Variants in EMID1 observed in about 807,000 individuals in gnomAD.
The protein encoded by EMID1 is EMI domain-containing protein 1.
In EMID1, 40 loss-of-function variants were observed where a neutral mutation model predicts 60.6. The ratio of observed to expected loss-of-function variants is 0.66; its 90% confidence interval spans 0.51 to 0.86. The LOEUF (loss-of-function observed/expected upper bound fraction) is 0.86, where lower values mean the gene tolerates loss of function less well. EMID1 is among the 40% of genes least tolerant of loss of function. EMID1 has a pLI of 0.00. For missense variants in EMID1, 585 were observed against 597.1 expected (o/e 0.98, Z 0.21); for synonymous variants, 242 against 231.0 (o/e 1.05, Z -0.43).
rs117461405 is a variant in EMID1 at position 29,257,249 on chromosome 22, C to A, written c.1205-1568C>A. On this transcript the variant is annotated intron_variant, in intron 14 of 14. Coordinates refer to ENST00000334018, the MANE Select transcript of EMID1 (RefSeq NM_133455.4). ...GACAGGGAAGGAGGTGGGACCCTCC[C>A]CATTGGCGCAACATACACATCAGGT... is the stretch of plus-strand genomic sequence containing the variant. Among the ~76,000 whole-genome samples the A allele has an allele frequency of 5.1e-3, 774 of 152,260 alleles. 4 individuals are homozygous for A. The highest frequency in any genetic ancestry group is 7.2e-3 in the Non-Finnish European group (492 of 68,018).
chr22:29,241,991 G>A (rs2041169931), intron 12 of EMID1, among the ~76,000 whole-genome samples: 1 of 152,098 alleles, frequency 6.6e-6, no homozygotes, highest in Non-Finnish European at 1.5e-5. Context: ...GCTCACTGCA[G>A]TCTTGAGCTC....
At chr22:29,256,463 CAAAAAAAAAAA>C (rs774829201) in intron 14 of EMID1, among the ~76,000 whole-genome samples, 1 of 52,774 alleles carries the variant, frequency 1.9e-5, no homozygotes, top group Non-Finnish European at 4.3e-5. Context: ...GACTCCATCT[CAAAAAAAAAAA>C]AAAAAAAAAG....
At chr22:29,220,505 A>G (rs551577426) in intron 3 of EMID1, among the ~76,000 whole-genome samples, 64 of 152,034 alleles carry the variant, frequency 4.2e-4, no homozygotes, top group African/African-American at 1.5e-3. Flanking sequence ...GGAGACCTGG[A>G]CTGGGGCTGG....
At chr22:29,234,533 T>G (rs1229641128) in intron 12 of EMID1, among the ~76,000 whole-genome samples, 184 bp downstream of exon 12, 3 of 152,198 alleles carry the variant, frequency 2.0e-5, no homozygotes, top group Non-Finnish European at 2.9e-5. Context: ...TCTCTCTCAC[T>G]CTGGCTCTCT....
At chr22:29,221,433 G>A (rs977735490) in intron 3 of EMID1, among the ~76,000 whole-genome samples, 1 of 152,196 alleles carries the variant, frequency 6.6e-6, no homozygotes, top group Non-Finnish European at 1.5e-5. Flanking sequence ...GGAGTGCAGT[G>A]GCGCGATCTC....
intron 12 of EMID1, among the ~76,000 whole-genome samples, chr22:29,237,083 C>T: frequency 6.6e-6 from 1 of 152,068 alleles, no homozygotes; most frequent in Non-Finnish European, 1.5e-5. Context: ...GTGTGAGCCA[C>T]CTCGCCCAGC....
chr22:29,244,225 A>C (rs890113247), intron 13 of EMID1, among the ~76,000 whole-genome samples: 2 of 152,192 alleles, frequency 1.3e-5, no homozygotes, highest in African/African-American at 4.8e-5. Context: ...AGAGTAAATG[A>C]GAAGGGGACA....
intron 12 of EMID1, among the ~76,000 whole-genome samples, chr22:29,238,159 AATT>A (rs2146340296): frequency 7.0e-6 from 1 of 142,076 alleles, no homozygotes; most frequent in Non-Finnish European, 1.5e-5. Flanking sequence ...AGTTGGTTGT[AATT>A]ATTATTGTTG....
chr22:29,255,128 C>T (rs537845048), intron 14 of EMID1: 18 of 485,824 alleles, frequency 3.7e-5, no homozygotes, highest in Non-Finnish European at 6.5e-5. Context: ...GGAGGGGAAA[C>T]TGAGGTCTCA....
intron 13 of EMID1, among the ~76,000 whole-genome samples, chr22:29,252,711 G>A (rs893901781): frequency 6.6e-6 from 1 of 152,184 alleles, no homozygotes; most frequent in African/African-American, 2.4e-5. Flanking sequence ...GGCCTTGGAG[G>A]AGGGGCTTTG....
intron 6 of EMID1, 31 bp from the exon 7 acceptor site, chr22:29,231,562 A>G: frequency 6.5e-7 from 1 of 1,547,888 alleles, no homozygotes; most frequent in Non-Finnish European, 8.7e-7. Flanking sequence ...GCAGATGTGG[A>G]GCTGCCAGTC....
At chr22:29,220,328 C>A (rs1046672931) in intron 3 of EMID1, among the ~76,000 whole-genome samples, 3 of 152,248 alleles carry the variant, frequency 2.0e-5, no homozygotes, top group African/African-American at 7.2e-5. Context: ...TGAATAGGAA[C>A]TTTGCCTACC....
chr22:29,256,469 A>C (rs1172494879), intron 14 of EMID1, among the ~76,000 whole-genome samples: 1 of 151,514 alleles, frequency 6.6e-6, no homozygotes, highest in East Asian at 1.9e-4. Context: ...ATCTCAAAAA[A>C]AAAAAAAAAA....
Position 29,253,930 on chromosome 22 carries a change from C to T in EMID1, c.1120-273C>T, listed in dbSNP as rs1371786396. ...GAAGATTGGCTCCCCCTGCCTTCAGCGCAGCAGGATTTGCGGCCTTGTCAG... is the reference window on the plus strand; with the variant it reads ...GAAGATTGGCTCCCCCTGCCTTCAGTGCAGCAGGATTTGCGGCCTTGTCAG... On this transcript the variant is annotated intron_variant, in intron 13 of 14. Coordinates refer to ENST00000334018, the MANE Select transcript of EMID1 (RefSeq NM_133455.4). 11 of 985,338 alleles carry T rather than the reference C, an allele frequency of 1.1e-5. No individual in the cohort carries two copies. The African/African-American group carries it at 1.2e-4, about 11-fold the overall frequency. 61.0% of individuals were successfully genotyped at this position (985,338 alleles called of 1,614,324 possible). A position where few individuals can be genotyped will look rare whatever the true frequency, so the allele number is the denominator to read the frequency against.
chr22:29,238,007 G>A (rs925518279), intron 12 of EMID1, among the ~76,000 whole-genome samples: 1 of 143,630 alleles, frequency 7.0e-6, no homozygotes, highest in Non-Finnish European at 1.5e-5. Flanking sequence ...TTCCCTCACT[G>A]TTTGTTTGTC....
At chr22:29,257,494 T>C (rs1035934712) in intron 14 of EMID1, among the ~76,000 whole-genome samples, 29 of 152,002 alleles carry the variant, frequency 1.9e-4, no homozygotes, top group African/African-American at 6.0e-4. Flanking sequence ...GGAATGGGAA[T>C]GGTCAGGCTA....
At chr22:29,257,450 G>A (rs957245471) in intron 14 of EMID1, among the ~76,000 whole-genome samples, 1 of 152,178 alleles carries the variant, frequency 6.6e-6, no homozygotes, top group Non-Finnish European at 1.5e-5. Context: ...AGAAACAGAA[G>A]CTCAGAGGCT....
rs368525515 is a variant in EMID1, at chr22:29,234,174, G to A, written c.1004G>A (p.Gly335Asp). ...CCCACTGGACCCAAAGGAATCTCTG[G>A]CCACCCAGGAGAGAAGGGCGAGAGA... ...PGPTGPKGIS[G>D]HPGEKGERGL... The change falls in exon 11 of 15, where the codon GGC becomes GAC. Residue 335 changes from glycine to aspartate, a missense_variant. By Grantham distance (94) the Gly-to-Asp change is moderately conservative. Transcript: ENST00000334018. The A allele has an allele frequency of 1.9e-6, 3 of 1,602,588 alleles. No individual in the cohort carries two copies. Among genetic ancestry groups the A allele is most frequent in the African/African-American group, 2.7e-5 (2 of 74,718 alleles).
chr22:29,231,298 C>T lies in EMID1; in HGVS notation c.586+158C>T, dbSNP rs3765298. 2.5e-3 allele frequency among the ~76,000 whole-genome samples: 374 copies of T among 152,244 alleles called. 10 individuals carry two copies. The East Asian group carries it at 0.06, about 25-fold the overall frequency. ...GTTTCTTAGACCCGCCTAAGAGGAC[C>T]GTCTCCTGGGACTCCTGAATGCTGC... On this transcript the variant is annotated intron_variant, in intron 6 of 14. Transcript: ENST00000334018.
Sources: gnomAD v4.1 joint callset for allele counts (sites outside exome capture counted in the v4.1 genomes callset) on GRCh38, gnomAD v4.1.1 for gene constraint, MANE v1.5 for transcripts, NCBI Gene and HGNC (gene_info 2026-07-23, HGNC 2026-07-21) for gene names.